Variants in MRPL3 observed in about 807,000 individuals in gnomAD.
MRPL3 encodes the protein large ribosomal subunit protein uL3m.
A neutral mutation model predicts 44.3 loss-of-function variants in MRPL3; 43 were observed. That is an observed-to-expected ratio of 0.97 (90% CI 0.76 to 1.25). MRPL3 has a LOEUF of 1.25. Ranked by LOEUF, MRPL3 falls within the 50% of genes most tolerant of loss-of-function variation. The pLI is 0.00. For missense variants in MRPL3, 406 were observed against 427.6 expected, an observed-to-expected ratio of 0.95 and a Z score of 0.45; for synonymous variants, 171 against 152.3, an observed-to-expected ratio of 1.12 and a Z score of -0.91.
chr3:131,483,843 A>T (rs188807916), intron 6 of MRPL3, among the ~76,000 whole-genome samples: 1 of 152,268 alleles, frequency 6.6e-6, no homozygotes, highest in Admixed American at 6.5e-5. Flanking sequence ...TCTAAAGTAC[A>T]TTTAACTCAG....
chr3:131,487,805 A>G, intron 5 of MRPL3, 65 bp from the exon 6 acceptor site: 1 of 1,298,616 alleles, frequency 7.7e-7, no homozygotes, highest in Non-Finnish European at 1.1e-6. Context: ...TTTATTCAAC[A>G]TAAACTATAT....
At chr3:131,482,986 C>CTTTTTT (rs3033337) in intron 6 of MRPL3, among the ~76,000 whole-genome samples, 1 of 140,752 alleles carries the variant, frequency 7.1e-6, no homozygotes, top group Non-Finnish European at 1.5e-5. Flanking sequence ...TTTCATTCTT[C>CTTTTTT]TTTTTTTTTT....
intron 5 of MRPL3, among the ~76,000 whole-genome samples, chr3:131,488,443 T>G (rs2110709436): frequency 6.6e-6 from 1 of 152,274 alleles, no homozygotes; most frequent in South Asian, 2.1e-4. Flanking sequence ...TCAAAGCCCT[T>G]CATAATATTG....
intron 5 of MRPL3, among the ~76,000 whole-genome samples, chr3:131,489,636 C>A (rs1934204871): frequency 6.6e-6 from 1 of 151,974 alleles, no homozygotes; most frequent in African/African-American, 2.4e-5. Flanking sequence ...TTCTCCAGTT[C>A]TTCTACCTAA....
intron 9 of MRPL3, among the ~76,000 whole-genome samples, chr3:131,464,458 A>C (rs1275481409): frequency 6.6e-6 from 1 of 152,076 alleles, no homozygotes; most frequent in African/African-American, 2.4e-5. Flanking sequence ...ATTTAATCTT[A>C]CCTCAGGTTT....
At chr3:131,486,860 G>GTAAATTA (rs1226177607) in intron 6 of MRPL3, among the ~76,000 whole-genome samples, 3 of 152,204 alleles carry the variant, frequency 2.0e-5, no homozygotes, top group Non-Finnish European at 4.4e-5. Context: ...TGGTGGGAGT[G>GTAAATTA]TAAATTAGTT....
At chr3:131,481,577 C>T (rs1463362076) in intron 6 of MRPL3, among the ~76,000 whole-genome samples, 1 of 152,140 alleles carries the variant, frequency 6.6e-6, no homozygotes, top group Non-Finnish European at 1.5e-5. Context: ...CTTACATTGC[C>T]TCTTATTAGG....
chr3:131,501,596 G>A lies in MRPL3; in HGVS notation c.212C>T (p.Ala71Val), dbSNP rs960707477. ...IKQLVSDEDK[A>V]QLASKLCPLK... The stretch of plus-strand genomic sequence containing the variant: ...AGGACACAGTTTACTTGCTAATTGG[G>A]CTTTATCTTCATCAGAGACCAACTG... Residue 71 changes from alanine (A) to valine (V), a missense_variant, in exon 2 of 10, where the codon GCC becomes GTC. Physicochemically the swap from Ala to Val is moderately conservative, Grantham distance 64. Transcript: ENST00000264995. The A allele has an allele frequency of 4.3e-5, 69 of 1,612,142 alleles. No individual in the cohort carries two copies. The highest frequency in any genetic ancestry group is 5.8e-5 in the Non-Finnish European group (68 of 1,179,930).
intron 3 of MRPL3, 34 bp downstream of exon 3, chr3:131,500,396 T>G: frequency 6.6e-7 from 1 of 1,523,890 alleles, no homozygotes; most frequent in South Asian, 1.1e-5. Flanking sequence ...TTGAAACACA[T>G]AGATATCTCT....
intron 6 of MRPL3, among the ~76,000 whole-genome samples, chr3:131,480,524 G>A (rs957104283): frequency 6.6e-6 from 1 of 152,188 alleles, no homozygotes; most frequent in African/African-American, 2.4e-5. Flanking sequence ...CAACAAGAGT[G>A]CAAGGAGTGC....
intron 6 of MRPL3, among the ~76,000 whole-genome samples, chr3:131,482,212 C>T (rs571448729): frequency 1.3e-5 from 2 of 152,012 alleles, no homozygotes; most frequent in African/African-American, 4.8e-5. Context: ...TCCTCCACCC[C>T]CCTCCCCTTA....
chr3:131,472,348 A>C lies in MRPL3; in HGVS notation c.630-1069T>G, dbSNP rs190824246. Among the ~76,000 whole-genome samples the C allele has an allele frequency of 6.6e-5, 10 of 152,320 alleles. No individual in the cohort carries two copies. In the East Asian group the frequency reaches 1.9e-3, roughly 29 times the overall value. On this transcript the variant is annotated intron_variant, in intron 6 of 9. Transcript: ENST00000264995. ...TTTAAAATGAAATCACTCTATTTTC[A>C]AATTCTGTTAACCCCATGATCCAGG...
chr3:131,485,415 T>C (rs1934097072), intron 6 of MRPL3, among the ~76,000 whole-genome samples: 1 of 152,204 alleles, frequency 6.6e-6, no homozygotes, highest in Non-Finnish European at 1.5e-5. Context: ...CACACAACAT[T>C]AACTGTGTGT....
intron 9 of MRPL3, among the ~76,000 whole-genome samples, chr3:131,465,425 C>T (rs1012854793): frequency 6.6e-6 from 1 of 152,046 alleles, no homozygotes; most frequent in Non-Finnish European, 1.5e-5. Context: ...GATAATTGAC[C>T]ATTCATCTCT....
chr3:131,484,824 T>C (rs1171412853), intron 6 of MRPL3, among the ~76,000 whole-genome samples: 3 of 152,202 alleles, frequency 2.0e-5, no homozygotes, highest in Non-Finnish European at 2.9e-5. Context: ...GCTATAGTTA[T>C]TGGTAACATT....
chr3:131,462,789 T>C lies in MRPL3; in HGVS notation c.981A>G (p.Glu327=), dbSNP rs780672468. ...TTTCATCATACAAATCTTCTGGCAG[T>C]TCCTCTTCATCTCCATCAGGAAAAT... ...PTYFPDGDEE[E]LPEDLYDENV... The change falls in exon 10 of 10, where the codon GAA becomes GAG. Residue 327 remains glutamate, a synonymous_variant. Transcript: ENST00000264995. 6.2e-6 allele frequency: 10 copies of C among 1,613,110 alleles called. No homozygotes were observed. Among genetic ancestry groups the C allele is most frequent in the Non-Finnish European group, 5.9e-6 (7 of 1,179,488 alleles).
chr3:131,497,860 C>G (rs551966883), intron 4 of MRPL3: 2 of 242,152 alleles, frequency 8.3e-6, no homozygotes, highest in African/African-American at 4.6e-5. Flanking sequence ...CCAAGCACAT[C>G]TGAAAAACCT....
At chr3:131,470,673 C>T (rs992665433) in intron 7 of MRPL3, among the ~76,000 whole-genome samples, 5 of 151,968 alleles carry the variant, frequency 3.3e-5, no homozygotes, top group African/African-American at 1.2e-4. Context: ...TCCTTGTGTG[C>T]ATGCATGCAT....
chr3:131,498,389 T>C, intron 3 of MRPL3, 112 bp from the exon 4 acceptor site: 1 of 611,986 alleles, frequency 1.6e-6, no homozygotes, highest in Non-Finnish European at 2.9e-6. Context: ...GTTACTTACC[T>C]CATCTTTCCT....
Sources: allele counts gnomAD v4.1 joint callset (sites outside exome capture counted in the v4.1 genomes callset), GRCh38; gene constraint gnomAD v4.1.1; transcripts MANE v1.5; gene names NCBI Gene and HGNC (gene_info 2026-07-23, HGNC 2026-07-21).